Variants in ADGRD2 observed in about 807,000 individuals in gnomAD.
The protein encoded by ADGRD2 is G protein-coupled receptor PGR24.
In ADGRD2, 71 loss-of-function variants were observed where a neutral mutation model predicts 44.4. The ratio of observed to expected loss-of-function variants is 1.60; its 90% CI spans 1.32 to 1.95. The LOEUF (loss-of-function observed/expected upper bound fraction) is 1.95, where lower values mean the gene tolerates loss of function less well. ADGRD2 is among the 30% of genes most tolerant of loss of function. The pLI, the probability that ADGRD2 is intolerant of heterozygous loss-of-function variation, is 0.00. For synonymous variants in ADGRD2, 481 were observed against 224.8 expected, an observed-to-expected ratio of 2.14 and a Z score of -10.19; for missense variants, 1,039 against 512.4, an observed-to-expected ratio of 2.03 and a Z score of -9.92.
chr9:124,461,469 A>T (rs1831720561), intron 10 of ADGRD2, among the ~76,000 whole-genome samples: 1 of 152,246 alleles, frequency 6.6e-6, no homozygotes, highest in South Asian at 2.1e-4. Flanking sequence ...TTATGAAGGT[A>T]AAAAGGTTGA....
exon 17 of ADGRD2, chr9:124,470,605 C>T: frequency 2.8e-6 from 2 of 706,512 alleles, no homozygotes; most frequent in Non-Finnish European, 5.2e-6. Flanking sequence ...TGGGCCTCAA[C>T]TCCATCCAGG....
At chr9:124,477,702 A>T (rs1262708326) in intron 21 of ADGRD2, among the ~76,000 whole-genome samples, 1 of 152,098 alleles carries the variant, frequency 6.6e-6, no homozygotes, top group Non-Finnish European at 1.5e-5. Flanking sequence ...CCCGGCTGGC[A>T]TCTCGGTCCC....
chr9:124,469,382 G>A (rs760209281), intron 15 of ADGRD2, 27 bp downstream of exon 18: 10 of 718,168 alleles, frequency 1.4e-5, no homozygotes, highest in South Asian at 7.4e-5. Flanking sequence ...CAGGGGAGGG[G>A]CGTGTTGGGG....
chr9:124,451,655 G>A (rs1191059908), upstream of ADGRD2: 9 of 262,234 alleles, frequency 3.4e-5, no homozygotes, highest in East Asian at 1.1e-4. Flanking sequence ...CACCTGCTCC[G>A]TTGGATCCAG....
chr9:124,457,487 G>A, exon 8 of ADGRD2: 1 of 656,232 alleles, frequency 1.5e-6, no homozygotes. Flanking sequence ...GAGGTGCGGA[G>A]CTTACGCTTG....
chr9:124,467,883 T>C lies in ADGRD2; in HGVS notation c.2130+59T>C. 4.2e-6 allele frequency: 3 copies of C among 715,076 alleles called. No homozygotes were observed. In the East Asian group the frequency reaches 8.1e-5, roughly 19 times the overall value. 44.3% of individuals were successfully genotyped at this position (715,076 alleles called of 1,614,324 possible). A position where few individuals can be genotyped will look rare whatever the true frequency, so the allele number is the denominator to read the frequency against. ...TGGGCCCTCCCGCCTCGCTCAGGCC[T>C]CCATGTCCCCATTGGTCGGGTGTCC... On this transcript the variant is annotated intron_variant, in intron 12 of 21. Coordinates refer to ENST00000334810, the Ensembl canonical transcript of ADGRD2.
upstream of ADGRD2, chr9:124,451,747 G>T: frequency 6.9e-6 from 2 of 288,240 alleles, no homozygotes; most frequent in South Asian, 7.5e-5. Context: ...GAAGTCAAGG[G>T]GACTCACAGC....
chr9:124,466,705 G>C (rs1220231395), intron 11 of ADGRD2: 2 of 200,924 alleles, frequency 1.0e-5, no homozygotes, highest in Non-Finnish European at 2.0e-5. Context: ...AACTATTCAG[G>C]AGGCTGAGGC....
rs1035031965 is a variant in ADGRD2 at position 124,467,950 on chromosome 9, G to T, written c.2130+126G>T. 8 of 699,590 alleles carry T rather than the reference G, an allele frequency of 1.1e-5. No individual in the cohort carries two copies. The African/African-American group carries it at 1.4e-4, about 12-fold the overall frequency. 43.3% of individuals were successfully genotyped at this position (699,590 alleles called of 1,614,324 possible). A position where few individuals can be genotyped will look rare whatever the true frequency, so the allele number is the denominator to read the frequency against. ...GAACCTTGGTCTGAGCCTCTCCTTA[G>T]GATGTGCTGGGTCCCCTGTGGAGCT... On this transcript the variant is annotated intron_variant, in intron 12 of 21. Transcript: ENST00000334810.
chr9:124,452,571 G>A (rs1189277225), exon 2 of ADGRD2: 2 of 718,564 alleles, frequency 2.8e-6, no homozygotes, highest in Non-Finnish European at 5.2e-6. Flanking sequence ...TCTCTGGACA[G>A]CGACTGAGCT....
At chr9:124,459,493 C>CAA (rs779520879) in intron 10 of ADGRD2, among the ~76,000 whole-genome samples, 1 of 129,606 alleles carries the variant, frequency 7.7e-6, no homozygotes. Flanking sequence ...GACTCTGTCT[C>CAA]AAAAAAAAAA....
chr9:124,457,843 G>A (rs1346852826), intron 8 of ADGRD2, among the ~76,000 whole-genome samples: 2 of 152,224 alleles, frequency 1.3e-5, no homozygotes, highest in Non-Finnish European at 2.9e-5. Context: ...GGTGGTGGAG[G>A]AAGATCCCCT....
chr9:124,456,690 G>T (rs1465618779), exon 7 of ADGRD2: 2 of 715,382 alleles, frequency 2.8e-6, no homozygotes, highest in Non-Finnish European at 5.2e-6. Context: ...GCACCTCAAT[G>T]ACCTCAGAGC....
At chr9:124,469,346 C>T (rs773930231) in exon 15 of ADGRD2, 7 of 718,346 alleles carry the variant, frequency 9.7e-6, no homozygotes, top group South Asian at 4.4e-5. Flanking sequence ...CTGTGCTCTT[C>T]GTGCTGACTG....
intron 21 of ADGRD2, among the ~76,000 whole-genome samples, chr9:124,478,024 GC>G (rs1384629585): frequency 1.3e-5 from 2 of 152,150 alleles, no homozygotes; most frequent in Non-Finnish European, 2.9e-5. Context: ...CACCCCGCGG[GC>G]CACTCAGCGG....
chr9:124,465,253 C>G (rs180935349), intron 10 of ADGRD2: 1 of 153,106 alleles, frequency 6.5e-6, no homozygotes, highest in East Asian at 1.9e-4. Flanking sequence ...CATGCACCTG[C>G]CCTGTCTCTG....
At chr9:124,472,670 A>C (rs1220178348) in intron 17 of ADGRD2, among the ~76,000 whole-genome samples, 7 of 151,856 alleles carry the variant, frequency 4.6e-5, no homozygotes, top group Non-Finnish European at 8.8e-5. Flanking sequence ...CCACGCCTGG[A>C]TAATTTTCTT....
intron 8 of ADGRD2, among the ~76,000 whole-genome samples, 187 bp from the exon 12 acceptor site, chr9:124,457,926 A>T (rs1394146370): frequency 6.6e-6 from 1 of 152,188 alleles, no homozygotes; most frequent in East Asian, 1.9e-4. Context: ...GGTTCAGCAC[A>T]TGGACTGTGG....
chr9:124,453,957 G>A, intron 3 of ADGRD2, 42 bp from the exon 7 acceptor site: 1 of 595,566 alleles, frequency 1.7e-6, no homozygotes. Context: ...TGGCTCGCCA[G>A]GGTCCCCTAG....
Sources: allele counts gnomAD v4.1 joint callset (sites outside exome capture counted in the v4.1 genomes callset), GRCh38; gene constraint gnomAD v4.1.1; transcripts MANE v1.5; gene names NCBI Gene and HGNC (gene_info 2026-07-23, HGNC 2026-07-21).